The following CNTN6 variants were observed in gnomAD, a reference collection of about 807,000 sequenced individuals.
CNTN6 encodes the protein contactin 6.
A neutral mutation model predicts 122.8 loss-of-function variants in CNTN6; 137 were observed. The observed-to-expected ratio is 1.12, with a 90% confidence interval of 0.97 to 1.29. CNTN6 has a LOEUF of 1.29. CNTN6 is among the 50% of genes most tolerant of loss of function. The pLI is 0.00. For synonymous variants in CNTN6, 570 were observed against 426.0 expected, an observed-to-expected ratio of 1.34 and a Z score of -4.16; for missense variants, 1,634 against 1,223.4, an observed-to-expected ratio of 1.34 and a Z score of -5.01.
At chr3:1,213,112 C>T (rs68167358) in intron 2 of CNTN6, among the ~76,000 whole-genome samples, 24,111 of 152,036 alleles carry the variant, frequency 0.16, 2,573 homozygotes, top group African/African-American at 0.3. Flanking sequence ...TTGGAAACTG[C>T]TGTATGTATA....
chr3:1,253,473 A>G (rs940281124), intron 4 of CNTN6, among the ~76,000 whole-genome samples: 2 of 152,180 alleles, frequency 1.3e-5, no homozygotes, highest in African/African-American at 4.8e-5. Flanking sequence ...CCTTGCAGGT[A>G]ATTTTGTCTG....
chr3:1,361,036 G>A (rs955212304), intron 12 of CNTN6, among the ~76,000 whole-genome samples: 2 of 152,014 alleles, frequency 1.3e-5, no homozygotes, highest in Non-Finnish European at 2.9e-5. Context: ...TTTAAGCCAT[G>A]CCATCTCTTT....
intron 11 of CNTN6, among the ~76,000 whole-genome samples, chr3:1,335,769 C>G (rs1018580321): frequency 1.3e-5 from 2 of 152,112 alleles, no homozygotes; most frequent in African/African-American, 4.8e-5. Context: ...TGGCTCATGC[C>G]TGTAATCCCA....
At chr3:1,348,781 T>C (rs993255381) in intron 11 of CNTN6, among the ~76,000 whole-genome samples, 2 of 152,040 alleles carry the variant, frequency 1.3e-5, no homozygotes, top group South Asian at 4.1e-4. Context: ...ACTTATTGCT[T>C]CTCTTTATGC....
At position 1,275,147 on chromosome 3, in the gene CNTN6, C is replaced by T. The variant is rs1044129904; in HGVS notation, c.359-3266C>T. On this transcript the variant is annotated intron_variant, in intron 4 of 22. Transcript: ENST00000446702. ...TATCACCCTTCAGGCTTTACAAGGA[C>T]CTTATTTTATCTGTGTCCTGAATCG... Among the ~76,000 whole-genome samples, 23 of 152,144 alleles carry T rather than the reference C, an allele frequency of 1.5e-4. 1 individual carries two copies. The highest frequency in any genetic ancestry group is 4.4e-5 in the Non-Finnish European group (3 of 68,032).
At chr3:1,222,010 A>T (rs575692822) in intron 3 of CNTN6, among the ~76,000 whole-genome samples, 35 of 152,310 alleles carry the variant, frequency 2.3e-4, no homozygotes, top group African/African-American at 7.0e-4. Flanking sequence ...AAATGACTTA[A>T]ATGCACTTAA....
At chr3:1,365,268 C>T (rs1372278251) in intron 12 of CNTN6, among the ~76,000 whole-genome samples, 4 of 151,880 alleles carry the variant, frequency 2.6e-5, no homozygotes, top group East Asian at 3.9e-4. Flanking sequence ...ATAATTTCAC[C>T]CACAAATATA....
chr3:1,331,191 C>T (rs945946247), intron 11 of CNTN6, among the ~76,000 whole-genome samples: 3 of 151,904 alleles, frequency 2.0e-5, no homozygotes, highest in Non-Finnish European at 4.4e-5. Context: ...CAGAGAGCCC[C>T]TTTCTAGGGC....
intron 2 of CNTN6, among the ~76,000 whole-genome samples, chr3:1,199,835 G>A (rs1364853525): frequency 6.6e-6 from 1 of 152,146 alleles, no homozygotes; most frequent in Middle Eastern, 3.4e-3. Flanking sequence ...TTTGGCGTTT[G>A]CAAAAACTTT....
chr3:1,232,693 T>C (rs1021151859), intron 4 of CNTN6, among the ~76,000 whole-genome samples: 3 of 151,820 alleles, frequency 2.0e-5, no homozygotes, highest in Admixed American at 6.6e-5. Flanking sequence ...GAGTGAAGAG[T>C]CCTACCACCT....
intron 5 of CNTN6, among the ~76,000 whole-genome samples, chr3:1,281,463 A>C (rs1693415061): frequency 8.9e-6 from 1 of 112,900 alleles, no homozygotes; most frequent in South Asian, 3.5e-4. Flanking sequence ...ATAAAAGTTG[A>C]CTTTTTTTTT....
chr3:1,288,136 C>A (rs1694672780), intron 5 of CNTN6, among the ~76,000 whole-genome samples: 1 of 152,136 alleles, frequency 6.6e-6, no homozygotes, highest in African/African-American at 2.4e-5. Flanking sequence ...AATGTACAAC[C>A]AGTTCTATAG....
intron 4 of CNTN6, among the ~76,000 whole-genome samples, chr3:1,271,527 C>T (rs1015138792): frequency 2.0e-5 from 3 of 152,158 alleles, no homozygotes; most frequent in African/African-American, 7.2e-5. Flanking sequence ...GTTGTATGTG[C>T]TGGTGGGCGG....
intron 2 of CNTN6, among the ~76,000 whole-genome samples, chr3:1,153,378 A>C (rs1330743360): frequency 6.6e-6 from 1 of 152,162 alleles, no homozygotes; most frequent in Non-Finnish European, 1.5e-5. Context: ...ATAAACTGAG[A>C]CTCAAAATTA....
chr3:1,167,341 G>T (rs1306094754), intron 2 of CNTN6, among the ~76,000 whole-genome samples: 1 of 152,026 alleles, frequency 6.6e-6, no homozygotes, highest in East Asian at 1.9e-4. Context: ...TTTACGGGAG[G>T]TCTTACCTAG....
intron 1 of CNTN6, among the ~76,000 whole-genome samples, chr3:1,100,663 T>C (rs2090839925): frequency 6.6e-6 from 1 of 152,162 alleles, no homozygotes; most frequent in Admixed American, 6.5e-5. Flanking sequence ...TTCTTTGCAT[T>C]TCTTTCATTT....
intron 5 of CNTN6, among the ~76,000 whole-genome samples, chr3:1,280,621 C>A (rs1323714011): frequency 6.6e-6 from 1 of 151,728 alleles, no homozygotes; most frequent in Admixed American, 6.6e-5. Flanking sequence ...CACACAACCA[C>A]ACCCAGCTAA....
chr3:1,290,737 C>T (rs1342983647), intron 5 of CNTN6, among the ~76,000 whole-genome samples: 1 of 152,048 alleles, frequency 6.6e-6, no homozygotes, highest in Non-Finnish European at 1.5e-5. Context: ...CATTATATAC[C>T]TCCTGGTTTT....
chr3:1,247,304 G>A (rs1310548904), intron 4 of CNTN6, among the ~76,000 whole-genome samples: 4 of 152,030 alleles, frequency 2.6e-5, no homozygotes, highest in Non-Finnish European at 5.9e-5. Context: ...TTCCTAAAGG[G>A]AATTAAATCT....
Sources: gnomAD v4.1 joint callset for allele counts (sites outside exome capture counted in the v4.1 genomes callset) on GRCh38, gnomAD v4.1.1 for gene constraint, MANE v1.5 for transcripts, NCBI Gene and HGNC (gene_info 2026-07-23, HGNC 2026-07-21) for gene names.